The following SCN2A variants were observed in gnomAD, a reference collection of about 807,000 sequenced individuals.
SCN2A encodes the protein sodium voltage-gated channel alpha subunit 2.
A neutral mutation model predicts 188.7 loss-of-function variants in SCN2A; 20 were observed. The ratio of observed to expected loss-of-function variants is 0.11; its 90% CI spans 0.07 to 0.15. The LOEUF (loss-of-function observed/expected upper bound fraction) is 0.15. Ranked by LOEUF, SCN2A falls within the 10% of genes least tolerant of loss-of-function variation. The pLI, the probability that SCN2A is intolerant of heterozygous loss-of-function variation, is 1.00. For synonymous variants in SCN2A, 804 were observed against 833.1 expected, an observed-to-expected ratio of 0.97 and a Z score of 0.60; for missense variants, 1,278 against 2,445.0, an observed-to-expected ratio of 0.52 and a Z score of 10.07.
At chr2:165,370,074 A>G (rs1460542908) in intron 19 of SCN2A, 52 bp from the exon 20 acceptor site, 3 of 1,501,224 alleles carry the variant, frequency 2.0e-6, no homozygotes, top group Admixed American at 3.4e-5. Flanking sequence ...AGAAATCATC[A>G]ATTAGAGACT....
intron 12 of SCN2A, among the ~76,000 whole-genome samples, chr2:165,325,728 G>C (rs1320062968): frequency 6.6e-6 from 1 of 151,702 alleles, no homozygotes; most frequent in Non-Finnish European, 1.5e-5. Context: ...TTTAGAGATA[G>C]GTTATTTCTT....
intron 3 of SCN2A, among the ~76,000 whole-genome samples, chr2:165,302,000 T>C (rs1004211651): frequency 4.6e-5 from 7 of 152,218 alleles, no homozygotes; most frequent in Admixed American, 1.3e-4. Flanking sequence ...ACAAATGATT[T>C]TTAAACCCTC....
At chr2:165,363,722 T>C (rs990496116) in intron 17 of SCN2A, among the ~76,000 whole-genome samples, 1 of 152,148 alleles carries the variant, frequency 6.6e-6, no homozygotes, top group Non-Finnish European at 1.5e-5. Context: ...AGTAATTTGA[T>C]ATACCTGATA....
At chr2:165,242,200 T>C (rs1015574438) in intron 1 of SCN2A, among the ~76,000 whole-genome samples, 12 of 152,154 alleles carry the variant, frequency 7.9e-5, no homozygotes, top group Non-Finnish European at 1.0e-4. Context: ...GCTGAATGTA[T>C]AGATCTGCAT....
chr2:165,339,290 G>A (rs1486967704), intron 14 of SCN2A, among the ~76,000 whole-genome samples: 2 of 151,392 alleles, frequency 1.3e-5, no homozygotes, highest in Non-Finnish European at 2.9e-5. Context: ...TCAGTGAAAT[G>A]TTGAGGTAGT....
In SCN2A at chr2:165,386,899, G is replaced by T; in HGVS notation, c.4705G>T (p.Val1569Leu). 6.2e-7 allele frequency: 1 copy of T among 1,613,920 alleles called. No individual in the cohort carries two copies. ...MTNILYWINL[V>L]FIVLFTGECV... ...AAACATTCTGTACTGGATTAATCTG[G>T]TGTTTATTGTTCTGTTCACTGGAGA... The change falls in exon 26 of 27, where the codon GTG (valine) becomes TTG (leucine). Residue 1569 changes from valine to leucine, a missense_variant. By Grantham distance (32) the Val-to-Leu change is conservative (BLOSUM62 1). Transcript: ENST00000375437.
At position 165,248,276 on chromosome 2, in the gene SCN2A, T is replaced by G. The variant is rs960505712; in HGVS notation, c.-52+8636T>G. Among the ~76,000 whole-genome samples, 3 of 152,164 alleles carry G rather than the reference T, an allele frequency of 2.0e-5. No homozygotes were observed. The East Asian group carries it at 5.8e-4, about 29-fold the overall frequency. Reference sequence around the variant, plus strand: ...TCTCAGGGTAAAAGGCACCTGACAATTTCCAAAAAGTCTCTATTTAGCCTG... The same window carrying G: ...TCTCAGGGTAAAAGGCACCTGACAAGTTCCAAAAAGTCTCTATTTAGCCTG... On this transcript the variant is annotated intron_variant, in intron 1 of 26. Coordinates refer to ENST00000375437, the MANE Select transcript of SCN2A (RefSeq NM_001040142.2).
intron 20 of SCN2A, chr2:165,370,597 A>C (rs1469649): frequency 3.2e-6 from 1 of 314,776 alleles, no homozygotes. Flanking sequence ...CTTTTTGCAC[A>C]CTCACATTTC....
intron 1 of SCN2A, among the ~76,000 whole-genome samples, chr2:165,288,021 T>G (rs1450258739): frequency 1.3e-5 from 2 of 152,254 alleles, no homozygotes; most frequent in Non-Finnish European, 2.9e-5. Context: ...AAATTTGTTA[T>G]TCCTTAACTC....
chr2:165,350,953 T>C (rs1443937806), intron 16 of SCN2A, among the ~76,000 whole-genome samples: 1 of 152,206 alleles, frequency 6.6e-6, no homozygotes, highest in African/African-American at 2.4e-5. Flanking sequence ...TAGTAAGTGA[T>C]AACAGCTAAA....
At chr2:165,384,506 A>G (rs975080413) in intron 25 of SCN2A, among the ~76,000 whole-genome samples, 3 of 152,142 alleles carry the variant, frequency 2.0e-5, no homozygotes, top group Non-Finnish European at 2.9e-5. Flanking sequence ...CTCTATGAAC[A>G]GGGAATCTAA....
At chr2:165,254,253 T>C (rs1694220895) in intron 1 of SCN2A, among the ~76,000 whole-genome samples, 1 of 151,748 alleles carries the variant, frequency 6.6e-6, no homozygotes, top group South Asian at 2.1e-4. Context: ...TGTATTTCAT[T>C]AATATATTTT....
chr2:165,350,991 G>A (rs915720370), intron 16 of SCN2A, among the ~76,000 whole-genome samples: 3 of 152,196 alleles, frequency 2.0e-5, no homozygotes, highest in Non-Finnish European at 2.9e-5. Flanking sequence ...TATGTGCCAA[G>A]AACTGTGCTG....
At position 165,389,233 on chromosome 2, in the gene SCN2A, G is replaced by T. The variant is rs1177406324; in HGVS notation, c.5427G>T (p.Ala1809=). 1 of 1,614,048 alleles carries T rather than the reference G, an allele frequency of 6.2e-7. No homozygotes were observed. The highest frequency in any genetic ancestry group is 1.1e-5 in the South Asian group (1 of 91,074). Residue 1809 remains alanine (A), a synonymous_variant, in exon 27 of 27, where the codon GCG becomes GCT. Coordinates refer to ENST00000375437, the MANE Select transcript of SCN2A (RefSeq NM_001040142.2). This position sits in a 1 kb window ranked among gnomAD's most constrained non-coding sequence, Gnocchi z 4.2. ...TTTGGGAGAAGTTTGATCCCGATGC[G>T]ACCCAGTTTATAGAGTTTGCCAAAC... ...YEVWEKFDPD[A]TQFIEFAKLS... is the part of the protein sequence containing the mutation.
chr2:165,337,069 GA>G (rs1216788553), intron 14 of SCN2A, among the ~76,000 whole-genome samples: 1 of 151,002 alleles, frequency 6.6e-6, no homozygotes, highest in East Asian at 1.9e-4. Flanking sequence ...CAATTTAAAG[GA>G]AAAAAAGGGG....
At chr2:165,323,876 A>T (rs1698212782) in intron 12 of SCN2A, among the ~76,000 whole-genome samples, 1 of 152,220 alleles carries the variant, frequency 6.6e-6, no homozygotes, top group African/African-American at 2.4e-5. Flanking sequence ...ATTGTTGTTC[A>T]TTTAAAAGGA....
chr2:165,371,392 T>C (rs1299378813), intron 20 of SCN2A: 1 of 152,218 alleles, frequency 6.6e-6, no homozygotes, highest in Non-Finnish European at 1.5e-5. Flanking sequence ...AAATAAGTCA[T>C]TTTTCTAGTC....
At chr2:165,337,019 C>G (rs1056328247) in intron 14 of SCN2A, among the ~76,000 whole-genome samples, 3 of 149,622 alleles carry the variant, frequency 2.0e-5, no homozygotes, top group Non-Finnish European at 4.5e-5. Context: ...TTAGAATAAA[C>G]AAAAAAGGAC....
chr2:165,347,657 G>A (rs1029129832), intron 16 of SCN2A, among the ~76,000 whole-genome samples: 3 of 152,112 alleles, frequency 2.0e-5, no homozygotes, highest in African/African-American at 4.8e-5. Context: ...TGGAGAAGTT[G>A]GGAAGGCATG....
Sources: allele counts gnomAD v4.1 joint callset (sites outside exome capture counted in the v4.1 genomes callset), GRCh38; gene constraint gnomAD v4.1.1; non-coding constraint Gnocchi (gnomAD v3.1); transcripts MANE v1.5; gene names NCBI Gene and HGNC (gene_info 2026-07-23, HGNC 2026-07-21).